Variants in TAFA1 observed in about 807,000 individuals in gnomAD.
TAFA1 encodes TAFA chemokine like family member 1.
TAFA1 carries 4 observed loss-of-function variants against 18.5 expected under a neutral mutation model. The ratio of observed to expected loss-of-function variants is 0.22; its 90% CI spans 0.11 to 0.49. The LOEUF is 0.49. Among genes scored for constraint, TAFA1 ranks in the 20% least tolerant of loss-of-function variants. The pLI, the probability that TAFA1 is intolerant of heterozygous loss-of-function variation, is 0.98. For missense variants in TAFA1, 147 were observed against 169.0 expected (o/e 0.87, Z 0.72); for synonymous variants, 56 against 55.2 (o/e 1.01, Z -0.06).
chr3:68,067,709 C>A (rs1221896866), intron 2 of TAFA1, among the ~76,000 whole-genome samples: 1 of 152,110 alleles, frequency 6.6e-6, no homozygotes, highest in African/African-American at 2.4e-5. Context: ...TTCCTTCCTT[C>A]CTTCCATTCT....
At chr3:68,121,632 A>G (rs111705203) in intron 2 of TAFA1, among the ~76,000 whole-genome samples, 2,727 of 152,200 alleles carry the variant, frequency 0.018, 81 homozygotes, top group African/African-American at 0.062. Context: ...AGTTTTTCTA[A>G]TTCTTTTAAA....
At chr3:68,171,081 CAAGGAGG>C (rs2066047750) in intron 2 of TAFA1, among the ~76,000 whole-genome samples, 1 of 152,070 alleles carries the variant, frequency 6.6e-6, no homozygotes, top group East Asian at 1.9e-4. Context: ...CGTTACATGG[CAAGGAGG>C]AATTCAGGTT....
intron 2 of TAFA1, among the ~76,000 whole-genome samples, chr3:68,147,396 C>G (rs2065754458): frequency 6.6e-6 from 1 of 151,912 alleles, no homozygotes; most frequent in African/African-American, 2.4e-5. Flanking sequence ...TGCAAAATAT[C>G]CCCCCCTCCC....
chr3:68,490,748 T>G (rs1481753514), intron 3 of TAFA1, among the ~76,000 whole-genome samples: 2 of 152,190 alleles, frequency 1.3e-5, no homozygotes, highest in Admixed American at 6.5e-5. Flanking sequence ...ATTTTTAATT[T>G]TTCACTTTTA....
At chr3:68,329,378 T>C (rs1405936893) in intron 2 of TAFA1, among the ~76,000 whole-genome samples, 1 of 151,962 alleles carries the variant, frequency 6.6e-6, no homozygotes, top group Non-Finnish European at 1.5e-5. Flanking sequence ...TTGTGACCAC[T>C]CTTAATGTTA....
chr3:68,385,524 A>T (rs1559645122), intron 2 of TAFA1, among the ~76,000 whole-genome samples: 1 of 152,056 alleles, frequency 6.6e-6, no homozygotes, highest in Admixed American at 6.6e-5. Flanking sequence ...TCTTTTTTTT[A>T]AAAGGATACA....
At chr3:68,257,592 C>A (rs1371361847) in intron 2 of TAFA1, among the ~76,000 whole-genome samples, 1 of 152,064 alleles carries the variant, frequency 6.6e-6, no homozygotes, top group Non-Finnish European at 1.5e-5. Flanking sequence ...TTATTTAATC[C>A]TCACAATAAC....
chr3:68,424,728 A>G (rs1472750871), intron 3 of TAFA1, among the ~76,000 whole-genome samples: 1 of 152,058 alleles, frequency 6.6e-6, no homozygotes, highest in African/African-American at 2.4e-5. Context: ...AGGATTATGT[A>G]TGATAGCCTC....
intron 3 of TAFA1, among the ~76,000 whole-genome samples, chr3:68,476,096 G>T (rs1220593524): frequency 6.6e-6 from 1 of 152,064 alleles, no homozygotes; most frequent in African/African-American, 2.4e-5. Context: ...AAAATTTCAG[G>T]ACATAGACAT....
chr3:68,214,352 C>T (rs1428548133), intron 2 of TAFA1, among the ~76,000 whole-genome samples: 1 of 152,136 alleles, frequency 6.6e-6, no homozygotes, highest in East Asian at 1.9e-4. Flanking sequence ...CTTTGATACT[C>T]TCCTGGCCAC....
intron 2 of TAFA1, among the ~76,000 whole-genome samples, chr3:68,208,257 A>G (rs1374509944): frequency 6.6e-6 from 1 of 151,878 alleles, no homozygotes; most frequent in Non-Finnish European, 1.5e-5. Flanking sequence ...AGCAGAGTCC[A>G]TTGTGCGTTT....
At chr3:68,530,822 T>A (rs1421334668) in intron 3 of TAFA1, among the ~76,000 whole-genome samples, 1 of 152,158 alleles carries the variant, frequency 6.6e-6, no homozygotes, top group African/African-American at 2.4e-5. Flanking sequence ...AAAGCTAACT[T>A]AATTTTACAA....
At chr3:68,285,724 AC>A (rs1321184445) in intron 2 of TAFA1, among the ~76,000 whole-genome samples, 10 of 151,968 alleles carry the variant, frequency 6.6e-5, no homozygotes, top group African/African-American at 2.4e-4. Flanking sequence ...TTGGGTCCTG[AC>A]TTTTTTTTAA....
the TAFA1 span, among the ~76,000 whole-genome samples, chr3:67,996,833 G>A: frequency 6.6e-6 from 1 of 151,936 alleles, no homozygotes; most frequent in Non-Finnish European, 1.5e-5. Flanking sequence ...GGTATAATAT[G>A]TTTGAGGAGC....
intron 3 of TAFA1, among the ~76,000 whole-genome samples, chr3:68,430,569 G>A (rs1247079080): frequency 2.6e-5 from 4 of 151,964 alleles, no homozygotes; most frequent in Non-Finnish European, 5.9e-5. Flanking sequence ...TTTTGTGAGT[G>A]AGGAGACAGT....
chr3:68,210,343 G>T (rs1412199755), intron 2 of TAFA1, among the ~76,000 whole-genome samples: 1 of 151,922 alleles, frequency 6.6e-6, no homozygotes, highest in Non-Finnish European at 1.5e-5. Context: ...TGACAGGCCA[G>T]GTATTCTCAC....
chr3:68,384,971 A>G (rs1253073912), intron 2 of TAFA1, among the ~76,000 whole-genome samples: 1 of 152,112 alleles, frequency 6.6e-6, no homozygotes, highest in African/African-American at 2.4e-5. Flanking sequence ...TTTGTCTAAA[A>G]CAAGGATTGA....
At chr3:68,185,507 A>G (rs925536370) in intron 2 of TAFA1, among the ~76,000 whole-genome samples, 1 of 152,146 alleles carries the variant, frequency 6.6e-6, no homozygotes, top group Admixed American at 6.6e-5. Context: ...AATTTGTTGC[A>G]TTAAATCTAT....
At chr3:68,146,550 C>T (rs2065743593) in intron 2 of TAFA1, among the ~76,000 whole-genome samples, 1 of 152,186 alleles carries the variant, frequency 6.6e-6, no homozygotes, top group African/African-American at 2.4e-5. Context: ...CTTGGGGACC[C>T]ACATAATGCA....
Sources: gnomAD v4.1 joint callset for allele counts (sites outside exome capture counted in the v4.1 genomes callset) on GRCh38, gnomAD v4.1.1 for gene constraint, MANE v1.5 for transcripts, NCBI Gene and HGNC (gene_info 2026-07-23, HGNC 2026-07-21) for gene names.